Variants in ZNF385B observed in about 807,000 individuals in gnomAD.
ZNF385B encodes zinc finger protein 385B.
In ZNF385B, 23 loss-of-function variants were observed where a neutral mutation model predicts 39.2. The ratio of observed to expected loss-of-function variants is 0.59; its 90% CI spans 0.42 to 0.83. ZNF385B has a LOEUF of 0.83. Among genes scored for constraint, ZNF385B ranks in the 40% least tolerant of loss-of-function variants. The pLI is 0.00. For missense variants in ZNF385B, 552 were observed against 598.9 expected, an observed-to-expected ratio of 0.92 and a Z score of 0.82; for synonymous variants, 205 against 222.6, an observed-to-expected ratio of 0.92 and a Z score of 0.70.
intron 3 of ZNF385B, among the ~76,000 whole-genome samples, chr2:179,670,205 T>C (rs1358557550): frequency 2.1e-5 from 3 of 145,502 alleles, no homozygotes; most frequent in Admixed American, 1.5e-4. Flanking sequence ...GGCAGGAGAA[T>C]GGCGTGAACC....
chr2:179,847,156 T>C (rs1708838679), intron 1 of ZNF385B, among the ~76,000 whole-genome samples: 1 of 152,188 alleles, frequency 6.6e-6, no homozygotes, highest in Non-Finnish European at 1.5e-5. Context: ...ATTCTATTCT[T>C]ATATTCTTCA....
intron 1 of ZNF385B, among the ~76,000 whole-genome samples, chr2:179,785,707 C>T (rs1045563970): frequency 2.0e-5 from 3 of 152,092 alleles, no homozygotes; most frequent in African/African-American, 4.8e-5. Context: ...GCTACAATCT[C>T]ATAACAAAAT....
intron 4 of ZNF385B, among the ~76,000 whole-genome samples, chr2:179,540,444 C>A (rs917004023): frequency 2.6e-5 from 4 of 152,012 alleles, no homozygotes; most frequent in Middle Eastern, 3.2e-3. Context: ...GAAACTCTGT[C>A]TCAAACAAAC....
rs577956833 is a variant in ZNF385B, at chr2:179,446,937, C to G, written c.716-167G>C. On this transcript the variant is annotated intron_variant, in intron 6 of 9. Transcript: ENST00000410066. Reference sequence around the variant, plus strand: ...AATCAACCTCTATGTTTAAATCAAACAGAACACTATGCCATCAGTTTCCAT... The same window carrying G: ...AATCAACCTCTATGTTTAAATCAAAGAGAACACTATGCCATCAGTTTCCAT... Among the ~76,000 whole-genome samples the G allele has an allele frequency of 2.0e-5, 3 of 152,248 alleles. No homozygotes were observed. The East Asian group carries it at 5.8e-4, about 29-fold the overall frequency.
intron 3 of ZNF385B, among the ~76,000 whole-genome samples, chr2:179,718,561 T>C (rs1484286466): frequency 6.7e-6 from 1 of 149,060 alleles, no homozygotes; most frequent in Non-Finnish European, 1.5e-5. Context: ...TCTTCCAGTA[T>C]AGGACGATTC....
At chr2:179,820,973 C>T (rs970642937) in intron 1 of ZNF385B, among the ~76,000 whole-genome samples, 1 of 152,084 alleles carries the variant, frequency 6.6e-6, no homozygotes, top group African/African-American at 2.4e-5. Context: ...AGAAATAATG[C>T]TAAAATTTCC....
At chr2:179,741,172 G>T (rs1032338420) in intron 3 of ZNF385B, among the ~76,000 whole-genome samples, 2 of 152,074 alleles carry the variant, frequency 1.3e-5, no homozygotes, top group African/African-American at 4.8e-5. Flanking sequence ...AACTGAGGTG[G>T]CATTTTAGAC....
At chr2:179,608,583 C>T (rs769809820) in intron 3 of ZNF385B, among the ~76,000 whole-genome samples, 25 of 152,104 alleles carry the variant, frequency 1.6e-4, no homozygotes, top group Admixed American at 3.9e-4. Flanking sequence ...TAAATAAAAT[C>T]AGAATTTTAA....
At chr2:179,765,702 C>T (rs1329722937) in intron 3 of ZNF385B, among the ~76,000 whole-genome samples, 1 of 152,232 alleles carries the variant, frequency 6.6e-6, no homozygotes, top group Non-Finnish European at 1.5e-5. Context: ...GGTCCATCTG[C>T]CCACCCTTGC....
At position 179,502,971 on chromosome 2, in the gene ZNF385B, T is replaced by C. The variant is rs548311087; in HGVS notation, c.552+15557A>G. ...TCACTGCAGGCTTGACCTCCCGGGG[T>C]CAAAGCAATCTCCCCACCTCAGCCT... On this transcript the variant is annotated intron_variant, in intron 5 of 9. Coordinates refer to ENST00000410066, the MANE Select transcript of ZNF385B (RefSeq NM_152520.6). Among the ~76,000 whole-genome samples, 20 of 152,142 alleles carry C rather than the reference T, an allele frequency of 1.3e-4. No homozygotes were observed. In the South Asian group the frequency reaches 4.2e-3, roughly 32 times the overall value.
At chr2:179,552,126 C>T (rs2060613429) in intron 3 of ZNF385B, among the ~76,000 whole-genome samples, 1 of 149,148 alleles carries the variant, frequency 6.7e-6, no homozygotes, top group Admixed American at 6.7e-5. Flanking sequence ...TGGATTATGT[C>T]ATAATACATC....
At chr2:179,462,475 T>C (rs2051445720) in intron 6 of ZNF385B, among the ~76,000 whole-genome samples, 2 of 151,992 alleles carry the variant, frequency 1.3e-5, no homozygotes, top group African/African-American at 4.8e-5. Flanking sequence ...GCCTTGTTCG[T>C]CTCCTCCTTA....
intron 1 of ZNF385B, among the ~76,000 whole-genome samples, chr2:179,850,202 T>C (rs1376714790): frequency 6.6e-6 from 1 of 152,200 alleles, no homozygotes; most frequent in Non-Finnish European, 1.5e-5. Flanking sequence ...CCTTTCTTTT[T>C]ACATATCCCT....
intron 3 of ZNF385B, among the ~76,000 whole-genome samples, chr2:179,667,301 T>C (rs1695292752): frequency 1.3e-5 from 2 of 152,120 alleles, no homozygotes; most frequent in Non-Finnish European, 1.5e-5. Context: ...GGAAACACAG[T>C]AGTAAACCAG....
chr2:179,628,528 G>A (rs1034230051), intron 3 of ZNF385B, among the ~76,000 whole-genome samples: 8 of 152,160 alleles, frequency 5.3e-5, no homozygotes, highest in African/African-American at 1.9e-4. Flanking sequence ...TTTTTGGCAA[G>A]TATATTTCAT....
intron 1 of ZNF385B, among the ~76,000 whole-genome samples, chr2:179,822,869 C>G (rs1707483059): frequency 6.6e-6 from 1 of 152,120 alleles, no homozygotes; most frequent in Non-Finnish European, 1.5e-5. Context: ...GCATACCAGT[C>G]CTGGACTTTT....
chr2:179,772,929 C>A (rs1422457988), intron 1 of ZNF385B, among the ~76,000 whole-genome samples: 1 of 152,038 alleles, frequency 6.6e-6, no homozygotes, highest in Non-Finnish European at 1.5e-5. Context: ...GATTAGATGA[C>A]CAACAACTTA....
At chr2:179,748,311 T>C (rs531996844) in intron 3 of ZNF385B, among the ~76,000 whole-genome samples, 1 of 152,254 alleles carries the variant, frequency 6.6e-6, no homozygotes, top group Admixed American at 6.5e-5. Context: ...ATAGTACTCA[T>C]TGATCACCTA....
chr2:179,559,345 AG>A (rs55819846), intron 3 of ZNF385B, among the ~76,000 whole-genome samples: 23,745 of 152,060 alleles, frequency 0.16, 1,948 homozygotes, highest in African/African-American at 0.18. Flanking sequence ...GGTATTTAAC[AG>A]ATTGGGCCAA....
Sources: gnomAD v4.1 joint callset for allele counts (sites outside exome capture counted in the v4.1 genomes callset) on GRCh38, gnomAD v4.1.1 for gene constraint, MANE v1.5 for transcripts, NCBI Gene and HGNC (gene_info 2026-07-23, HGNC 2026-07-21) for gene names.